UNC13B: variants seen among roughly 807,000 people sequenced by gnomAD.
UNC13B encodes the protein unc-13 homolog B.
UNC13B carries 144 observed loss-of-function variants against 211.0 expected under a neutral mutation model. The observed-to-expected ratio is 0.68, with a 90% CI of 0.60 to 0.78. The LOEUF (loss-of-function observed/expected upper bound fraction) is 0.78. UNC13B is among the 30% of genes least tolerant of loss of function. The probability of loss-of-function intolerance (pLI) is 0.00; values close to 1 mark genes in which losing one functional copy is unlikely to be tolerated. For missense variants in UNC13B, 1,777 were observed against 2,002.0 expected, an observed-to-expected ratio of 0.89 and a Z score of 2.14; for synonymous variants, 709 against 725.8, an observed-to-expected ratio of 0.98 and a Z score of 0.37.
At chr9:35,375,778 C>T (rs933830730) in intron 14 of UNC13B, among the ~76,000 whole-genome samples, 1 of 152,074 alleles carries the variant, frequency 6.6e-6, no homozygotes, top group South Asian at 2.1e-4. Flanking sequence ...GTCAGGAGTT[C>T]GAGACAAGCC....
chr9:35,185,006 C>G (rs768667457), intron 1 of UNC13B, among the ~76,000 whole-genome samples: 1 of 152,124 alleles, frequency 6.6e-6, no homozygotes, highest in African/African-American at 2.4e-5. Flanking sequence ...GATATTCATT[C>G]GTATGGGGGT....
intron 1 of UNC13B, among the ~76,000 whole-genome samples, chr9:35,209,323 C>T (rs1440675734): frequency 1.3e-5 from 2 of 152,086 alleles, no homozygotes; most frequent in African/African-American, 4.8e-5. Context: ...CTCAGTCTCC[C>T]AAAGTGCTGG....
chr9:35,380,105 T>C (rs1486680936), intron 17 of UNC13B, among the ~76,000 whole-genome samples: 2 of 152,180 alleles, frequency 1.3e-5, no homozygotes, highest in Non-Finnish European at 2.9e-5. Context: ...GCTCTGAGGA[T>C]GGAGCTAGCA....
chr9:35,351,756 T>C (rs1832734727), intron 11 of UNC13B: 4 of 1,232,222 alleles, frequency 3.2e-6, no homozygotes, highest in Non-Finnish European at 3.0e-6. Flanking sequence ...CTTTGCAGCT[T>C]TGGGCAGCAG....
At chr9:35,335,759 G>T (rs974859928) in intron 11 of UNC13B, among the ~76,000 whole-genome samples, 1 of 150,988 alleles carries the variant, frequency 6.6e-6, no homozygotes, top group East Asian at 2.0e-4. Flanking sequence ...GCACAATCAC[G>T]GCTCACTGTA....
At chr9:35,241,557 GCACACACACACACACA>G (rs3067420) in intron 5 of UNC13B, among the ~76,000 whole-genome samples, 1 of 144,948 alleles carries the variant, frequency 6.9e-6, no homozygotes, top group African/African-American at 2.5e-5. Context: ...CTGAATATAA[GCACACACACACACACA>G]CACACACACA....
intron 24 of UNC13B, among the ~76,000 whole-genome samples, chr9:35,387,783 G>C (rs1835279028): frequency 6.6e-6 from 1 of 152,212 alleles, no homozygotes; most frequent in Non-Finnish European, 1.5e-5. Context: ...AGTTGAGTAA[G>C]AGACATTTCA....
chr9:35,165,584 A>AT (rs1308892298), intron 1 of UNC13B, among the ~76,000 whole-genome samples: 7 of 151,444 alleles, frequency 4.6e-5, no homozygotes, highest in Non-Finnish European at 1.5e-5. Flanking sequence ...TGCCTGGCTA[A>AT]TTTTTTGTAT....
At chr9:35,344,109 C>T (rs1029635845) in intron 11 of UNC13B, among the ~76,000 whole-genome samples, 4 of 152,040 alleles carry the variant, frequency 2.6e-5, no homozygotes, top group South Asian at 2.1e-4. Context: ...TTTTCCAACT[C>T]GGGGTAGGGG....
At chr9:35,277,222 A>G (rs973003099) in intron 7 of UNC13B, among the ~76,000 whole-genome samples, 1 of 152,186 alleles carries the variant, frequency 6.6e-6, no homozygotes, top group African/African-American at 2.4e-5. Flanking sequence ...TCATTGAATA[A>G]GAGTGTAATT....
At chr9:35,209,349 C>T (rs1235969761) in intron 1 of UNC13B, among the ~76,000 whole-genome samples, 1 of 151,994 alleles carries the variant, frequency 6.6e-6, no homozygotes, top group African/African-American at 2.4e-5. Flanking sequence ...GAGGCATGAG[C>T]TACCACGCCC....
chr9:35,358,403 A>G (rs1833171720), intron 11 of UNC13B, among the ~76,000 whole-genome samples: 1 of 152,206 alleles, frequency 6.6e-6, no homozygotes, highest in Admixed American at 6.5e-5. Flanking sequence ...GCACCGTTTT[A>G]CGTTCCCACC....
Position 35,307,195 on chromosome 9 carries a change from T to G in UNC13B, c.7791T>G (p.Pro2597=). ...CCAAAATGGAAGACAATAATACTCCTGAAAATATTCTGGAACCTCAACGTT... is the reference window on the plus strand; with the variant it reads ...CCAAAATGGAAGACAATAATACTCCGGAAAATATTCTGGAACCTCAACGTT... The part of the protein sequence containing the change: ...LTTKMEDNNT[P]ENILEPQRSE... Residue 2597 remains proline, a synonymous_variant, in exon 9 of 40, where the codon CCT becomes CCG. Transcript: ENST00000635942. 1 of 398,914 alleles carries G rather than the reference T, an allele frequency of 2.5e-6. No homozygotes were observed. The highest frequency in any genetic ancestry group is 4.4e-6 in the Non-Finnish European group (1 of 226,068). 24.7% of individuals were successfully genotyped at this position (398,914 alleles called of 1,614,324 possible).
Position 35,313,900 on chromosome 9 carries a change from T to G in UNC13B, c.9325T>G (p.Phe3109Val), listed in dbSNP as rs760178960. 6.2e-6 allele frequency: 10 copies of G among 1,613,106 alleles called. No homozygotes were observed. In the South Asian group the frequency reaches 1.1e-4, roughly 18 times the overall value. Residue 3109 changes from phenylalanine to valine, a missense_variant and splice_region_variant, in exon 11 of 40, where the codon TTT becomes GTT. Physicochemically the swap from Phe to Val is conservative, Grantham distance 50 (BLOSUM62 -1). Transcript: ENST00000635942. ...KDHFLGPQESFPEENASSPFT... is the reference protein window; with the variant it reads ...KDHFLGPQESVPEENASSPFT... The stretch of plus-strand genomic sequence containing the variant: ...AATGTACTTTTTCTCTGTTACAAGT[T>G]TTCCTGAGGAGAATGCATCTTCACC...
chr9:35,382,363 T>C lies in UNC13B; in HGVS notation c.10662T>C (p.Phe3554=). Residue 3554 remains phenylalanine, a synonymous_variant, in exon 21 of 40, where the codon TTT becomes TTC. Transcript: ENST00000635942. The part of the protein sequence containing the change: ...IESIYQAMTH[F]ACLSSKYMCP... ...CGGGTGCTGTGTTTTTCAGGCACTT[T>C]GCATGTTTATCATCCAAGTACATGT... 4 of 1,611,694 alleles carry C rather than the reference T, an allele frequency of 2.5e-6. No homozygotes were observed. Among genetic ancestry groups the C allele is most frequent in the Middle Eastern group, 3.3e-4 (2 of 6,050 alleles).
intron 11 of UNC13B, among the ~76,000 whole-genome samples, chr9:35,366,163 A>G (rs1408741368): frequency 6.6e-6 from 1 of 152,224 alleles, no homozygotes; most frequent in Non-Finnish European, 1.5e-5. Flanking sequence ...TGAAAAAAGC[A>G]TGTGCTATTG....
intron 33 of UNC13B, 37 bp from the exon 34 acceptor site, chr9:35,399,124 C>G: frequency 6.2e-7 from 1 of 1,614,170 alleles, no homozygotes; most frequent in Non-Finnish European, 8.5e-7. Flanking sequence ...GGTTCTCAAA[C>G]TCTCACCCTG....
At chr9:35,336,863 GTCTTA>G (rs1831692650) in intron 11 of UNC13B, among the ~76,000 whole-genome samples, 1 of 152,144 alleles carries the variant, frequency 6.6e-6, no homozygotes, top group African/African-American at 2.4e-5. Context: ...TTATTTACAA[GTCTTA>G]TCTTCTGACA....
chr9:35,177,042 G>A (rs548198304), intron 1 of UNC13B, among the ~76,000 whole-genome samples: 5 of 152,020 alleles, frequency 3.3e-5, no homozygotes, highest in African/African-American at 7.2e-5. Context: ...CACCCGCCTC[G>A]GCCTCCCAAA....
Sources: allele counts gnomAD v4.1 joint callset (sites outside exome capture counted in the v4.1 genomes callset), GRCh38; gene constraint gnomAD v4.1.1; transcripts MANE v1.5; gene names NCBI Gene and HGNC (gene_info 2026-07-23, HGNC 2026-07-21).